ANK3: variants seen among roughly 807,000 people sequenced by gnomAD.
The protein encoded by ANK3 is ankyrin-3.
Under a neutral mutation model 370.9 loss-of-function variants are expected in ANK3, and 57 were observed. The ratio of observed to expected loss-of-function variants is 0.15; its 90% CI spans 0.12 to 0.19. The LOEUF is 0.19. Ranked by LOEUF, ANK3 falls within the 10% of genes least tolerant of loss-of-function variation. ANK3 has a pLI of 1.00. For missense variants in ANK3, 4,439 were observed against 5,302.1 expected (o/e 0.84, Z 5.06); for synonymous variants, 1,929 against 1,946.3 (o/e 0.99, Z 0.23).
At chr10:60,647,908 C>T (rs1324370142) in intron 1 of ANK3, among the ~76,000 whole-genome samples, 2 of 148,618 alleles carry the variant, frequency 1.3e-5, no homozygotes, top group Non-Finnish European at 3.0e-5. Context: ...AGTGCAGTGG[C>T]GCGATCTTGG....
intron 1 of ANK3, among the ~76,000 whole-genome samples, chr10:60,372,295 G>T (rs1358587495): frequency 6.6e-6 from 1 of 152,108 alleles, no homozygotes; most frequent in Non-Finnish European, 1.5e-5. Context: ...AACAACTGTG[G>T]ATGTACTACA....
At chr10:60,151,378 A>G (rs1028216170) in intron 23 of ANK3, among the ~76,000 whole-genome samples, 1 of 152,088 alleles carries the variant, frequency 6.6e-6, no homozygotes, top group Admixed American at 6.5e-5. Context: ...TCTATTAGTT[A>G]CCGTGAGATG....
chr10:60,430,391 G>T (rs556521707), intron 2 of ANK3, among the ~76,000 whole-genome samples: 32 of 152,170 alleles, frequency 2.1e-4, no homozygotes, highest in African/African-American at 6.7e-4. Context: ...TGGTATCGGT[G>T]GTCCATAGAG....
intron 1 of ANK3, chr10:60,685,069 G>A: frequency 1.5e-6 from 2 of 1,294,082 alleles, no homozygotes; most frequent in Admixed American, 3.8e-5. Flanking sequence ...GATCATTAAA[G>A]AAAAGATGAA....
At chr10:60,203,322 T>C (rs2096713525) in intron 11 of ANK3, among the ~76,000 whole-genome samples, 1 of 152,238 alleles carries the variant, frequency 6.6e-6, no homozygotes, top group African/African-American at 2.4e-5. Flanking sequence ...GAAAGACTTA[T>C]GTCATACCTA....
Position 60,074,452 on chromosome 10 carries a change from G to C in ANK3, c.6429C>G (p.Ser2143Arg). ...RSEKTPSAPQ[S>R]AESTGPKPLF... Reference sequence around the variant, plus strand: ...GTGGTTTAGGACCAGTGCTTTCAGCGCTTTGTGGGGCTGAAGGTGTCTTTT... The same window carrying C: ...GTGGTTTAGGACCAGTGCTTTCAGCCCTTTGTGGGGCTGAAGGTGTCTTTT... The change falls in exon 37 of 44, where the codon AGC becomes AGG. Residue 2143 changes from serine (S) to arginine (R), a missense_variant. Coordinates refer to ENST00000280772, the MANE Select transcript of ANK3 (RefSeq NM_020987.5). The C allele has an allele frequency of 1.9e-6, 3 of 1,614,108 alleles. No individual in the cohort carries two copies. Among genetic ancestry groups the C allele is most frequent in the Non-Finnish European group, 2.5e-6 (3 of 1,179,990 alleles).
intron 2 of ANK3, among the ~76,000 whole-genome samples, chr10:60,459,181 T>C (rs926788182): frequency 6.6e-6 from 1 of 152,174 alleles, no homozygotes; most frequent in Admixed American, 6.6e-5. Context: ...ACAGAACAAT[T>C]TGAGATTGTG....
At chr10:60,351,996 TA>T (rs1372653597) in intron 1 of ANK3, among the ~76,000 whole-genome samples, 1 of 152,232 alleles carries the variant, frequency 6.6e-6, no homozygotes, top group Non-Finnish European at 1.5e-5. Context: ...TTGAATTCTG[TA>T]TTAAAATAAA....
chr10:60,207,510 G>T (rs912504963), intron 10 of ANK3, among the ~76,000 whole-genome samples: 6 of 152,110 alleles, frequency 3.9e-5, no homozygotes, highest in Admixed American at 3.9e-4. Flanking sequence ...CATAGCTAAA[G>T]GTTAAAAGAA....
At chr10:60,107,077 T>C (rs764904815) in intron 27 of ANK3, among the ~76,000 whole-genome samples, 4 of 152,118 alleles carry the variant, frequency 2.6e-5, no homozygotes, top group Non-Finnish European at 5.9e-5. Flanking sequence ...AATAAAAACA[T>C]GAATATCGAT....
At chr10:60,658,483 C>T (rs543057494) in intron 1 of ANK3, among the ~76,000 whole-genome samples, 4 of 152,094 alleles carry the variant, frequency 2.6e-5, no homozygotes, top group South Asian at 4.1e-4. Flanking sequence ...TCCCCCCACA[C>T]ACATCCTTAG....
chr10:60,638,575 G>C (rs1021156441), intron 1 of ANK3, among the ~76,000 whole-genome samples: 3 of 151,818 alleles, frequency 2.0e-5, no homozygotes, highest in African/African-American at 7.3e-5. Context: ...AGAAATGAGA[G>C]AGATGATGGA....
At chr10:60,062,465 T>C (rs1407383988) in intron 40 of ANK3, 1 of 152,238 alleles carries the variant, frequency 6.6e-6, no homozygotes, top group East Asian at 1.9e-4. Flanking sequence ...TTGTTGTTAG[T>C]AACATGTATG....
At position 60,095,924 on chromosome 10, in the gene ANK3, AGCATTTTGGAAG is replaced by A. The variant is rs1325045925; in HGVS notation, c.3329-7578_3329-7567del. Among the ~76,000 whole-genome samples, 42 of 152,232 alleles carry A rather than the reference AGCATTTTGGAAG, an allele frequency of 2.8e-4. 1 individual carries two copies. Among genetic ancestry groups the A allele is most frequent in the Admixed American group, 2.7e-3 (41 of 15,276 alleles). ...TACAGTGGCTCATGCCTGTAATCCC[AGCATTTTGGAAG>A]GCTGGGGTGGGTGGATCACCTGAGA... On this transcript the variant is annotated intron_variant, in intron 28 of 43. Coordinates refer to ENST00000280772, the MANE Select transcript of ANK3 (RefSeq NM_020987.5).
At position 60,521,165 on chromosome 10, in the gene ANK3, GTTAT is replaced by G. The variant is rs1431549432; in HGVS notation, c.96+94017_96+94020del. On this transcript the variant is annotated intron_variant, in intron 2 of 43. Transcript: ENST00000373827. The stretch of plus-strand genomic sequence containing the variant: ...TTTACTGTGTATCAGCTTTAAAGAG[GTTAT>G]TTCTCTTCTTTGTAGAACATCTATA... Among the ~76,000 whole-genome samples the G allele has an allele frequency of 1.3e-4, 20 of 152,024 alleles. No homozygotes were observed. The South Asian group carries it at 3.5e-3, about 27-fold the overall frequency.
chr10:60,086,985 G>GAAAAAAAAAAAAAAAAAAAA, intron 29 of ANK3, 101 bp from the exon 30 acceptor site: 1 of 115,122 alleles, frequency 8.7e-6, no homozygotes, highest in Non-Finnish European at 1.1e-5. Context: ...AACAAAAACA[G>GAAAAAAAAAAAAAAAAAAAA]ACAACCAAAA....
At chr10:60,293,506 A>G (rs1431368478) in intron 1 of ANK3, among the ~76,000 whole-genome samples, 2 of 152,204 alleles carry the variant, frequency 1.3e-5, no homozygotes, top group Non-Finnish European at 2.9e-5. Flanking sequence ...AAATAGATAG[A>G]AAACTGAAGC....
intron 2 of ANK3, among the ~76,000 whole-genome samples, chr10:60,467,401 C>T (rs1206849121): frequency 1.3e-5 from 2 of 152,138 alleles, no homozygotes; most frequent in African/African-American, 2.4e-5. Flanking sequence ...TCCACCAACG[C>T]TTATATCCTA....
At chr10:60,600,771 T>G (rs926177104) in intron 2 of ANK3, among the ~76,000 whole-genome samples, 1 of 152,156 alleles carries the variant, frequency 6.6e-6, no homozygotes, top group Non-Finnish European at 1.5e-5. Context: ...ATTAATGATT[T>G]CAAAAACATA....
Sources: gnomAD v4.1 joint callset for allele counts (sites outside exome capture counted in the v4.1 genomes callset) on GRCh38, gnomAD v4.1.1 for gene constraint, MANE v1.5 for transcripts, NCBI Gene and HGNC (gene_info 2026-07-23, HGNC 2026-07-21) for gene names.